GRIA4: variants seen among roughly 807,000 people sequenced by gnomAD.
GRIA4 encodes glutamate receptor 4.
In GRIA4, 34 loss-of-function variants were observed where a neutral mutation model predicts 104.0. That is an observed-to-expected ratio of 0.33 (90% CI 0.25 to 0.44). The LOEUF is 0.44. Among genes scored for constraint, GRIA4 ranks in the 20% least tolerant of loss-of-function variants. The pLI is 1.00. For missense variants in GRIA4, 750 were observed against 1,096.5 expected, an observed-to-expected ratio of 0.68 and a Z score of 4.46; for synonymous variants, 386 against 381.9, an observed-to-expected ratio of 1.01 and a Z score of -0.13.
intron 4 of GRIA4, among the ~76,000 whole-genome samples, chr11:105,791,266 A>G (rs1343641008): frequency 6.6e-6 from 1 of 152,148 alleles, no homozygotes; most frequent in Non-Finnish European, 1.5e-5. Context: ...CAAAGTAAAG[A>G]TATTGTCTGT....
chr11:105,888,228 T>C (rs992168125), intron 6 of GRIA4, among the ~76,000 whole-genome samples: 2 of 147,834 alleles, frequency 1.4e-5, no homozygotes, highest in African/African-American at 4.9e-5. Context: ...AAGGGCCTGA[T>C]TCCCAAAGTG....
intron 4 of GRIA4, among the ~76,000 whole-genome samples, chr11:105,762,336 A>G (rs1288247717): frequency 6.6e-6 from 1 of 152,158 alleles, no homozygotes; most frequent in African/African-American, 2.4e-5. Flanking sequence ...AGAAGTCTTA[A>G]TAGTTAAACT....
intron 5 of GRIA4, among the ~76,000 whole-genome samples, chr11:105,864,626 T>A (rs1246540943): frequency 6.6e-6 from 1 of 152,078 alleles, no homozygotes; most frequent in Non-Finnish European, 1.5e-5. Context: ...ATCCCAGCAC[T>A]TTGGGAGGCC....
intron 3 of GRIA4, among the ~76,000 whole-genome samples, chr11:105,740,478 T>G (rs1423478087): frequency 1.3e-5 from 2 of 152,236 alleles, no homozygotes; most frequent in Non-Finnish European, 2.9e-5. Flanking sequence ...TTGAACACTT[T>G]CCATGTGCCA....
intron 3 of GRIA4, among the ~76,000 whole-genome samples, chr11:105,637,436 G>A (rs552386185): frequency 6.7e-6 from 1 of 149,940 alleles, no homozygotes; most frequent in Non-Finnish European, 1.5e-5. Context: ...AATTATCTCA[G>A]GAAATAGGTT....
chr11:105,812,961 C>A (rs1340875697), intron 4 of GRIA4, among the ~76,000 whole-genome samples: 5 of 151,768 alleles, frequency 3.3e-5, no homozygotes, highest in Non-Finnish European at 7.4e-5. Context: ...ATTAGCTGGG[C>A]ATAATGGTGG....
chr11:105,718,462 C>T (rs1475053465), intron 3 of GRIA4, among the ~76,000 whole-genome samples: 2 of 152,130 alleles, frequency 1.3e-5, no homozygotes, highest in East Asian at 3.9e-4. Flanking sequence ...AAGCAAATGT[C>T]AACAAATTTG....
intron 4 of GRIA4, among the ~76,000 whole-genome samples, chr11:105,784,248 T>C (rs1450252532): frequency 6.6e-6 from 1 of 152,200 alleles, no homozygotes; most frequent in Non-Finnish European, 1.5e-5. Context: ...TGCAGAAATA[T>C]GTATTCCTAT....
At position 105,892,680 on chromosome 11, in the gene GRIA4, T is replaced by G. The variant is rs2075960586; in HGVS notation, c.726+5108T>G. ...TTCCATCAACTTGGCGACATTGTTT[T>G]ACTTTTGTGCTTCCCGTTTTTTAAC... On this transcript the variant is annotated intron_variant, in intron 6 of 16. Transcript: ENST00000282499. 4.6e-5 allele frequency among the ~76,000 whole-genome samples: 7 copies of G among 152,182 alleles called. 1 individual carries two copies. The highest frequency in any genetic ancestry group is 4.6e-4 in the Admixed American group (7 of 15,278).
At chr11:105,871,971 T>C (rs1179320253) in intron 5 of GRIA4, among the ~76,000 whole-genome samples, 2 of 152,000 alleles carry the variant, frequency 1.3e-5, no homozygotes, top group African/African-American at 4.8e-5. Flanking sequence ...TAAAGCAACA[T>C]AAAGTCAGAA....
At chr11:105,720,377 G>A (rs138543539) in intron 3 of GRIA4, among the ~76,000 whole-genome samples, 19 of 151,982 alleles carry the variant, frequency 1.3e-4, no homozygotes, top group African/African-American at 4.3e-4. Flanking sequence ...ATGTATACAA[G>A]GAGACTTAAA....
chr11:105,969,441 T>C (rs530977347), intron 14 of GRIA4, among the ~76,000 whole-genome samples: 3 of 152,288 alleles, frequency 2.0e-5, no homozygotes, highest in South Asian at 4.1e-4. Flanking sequence ...AGTGTTAATC[T>C]AATCCTCTAA....
chr11:105,966,709 T>C (rs1858387325), intron 14 of GRIA4, among the ~76,000 whole-genome samples: 1 of 151,952 alleles, frequency 6.6e-6, no homozygotes, highest in Non-Finnish European at 1.5e-5. Flanking sequence ...TAGTTTTTTT[T>C]ATTTCTAAGC....
At chr11:105,742,073 T>C (rs1175769930) in intron 3 of GRIA4, among the ~76,000 whole-genome samples, 1 of 152,182 alleles carries the variant, frequency 6.6e-6, no homozygotes, top group Non-Finnish European at 1.5e-5. Context: ...GCGTTTATCA[T>C]GTGGCAGTTA....
chr11:105,770,331 A>G (rs1447274754), intron 4 of GRIA4, among the ~76,000 whole-genome samples: 3 of 152,094 alleles, frequency 2.0e-5, no homozygotes, highest in Non-Finnish European at 4.4e-5. Context: ...CGTGTTTAAT[A>G]TAAGAAATGT....
rs766866033 is a variant in GRIA4, at chr11:105,610,978, C to T, written c.-20C>T. 3.2e-6 allele frequency: 5 copies of T among 1,545,012 alleles called. No homozygotes were observed. The highest frequency in any genetic ancestry group is 2.2e-5 in the East Asian group (1 of 44,450). On this transcript the variant is annotated 5_prime_UTR_variant, in exon 2 of 17. Coordinates refer to ENST00000282499, the MANE Select transcript of GRIA4 (RefSeq NM_000829.4). ...CGAGAGAAAGAGAGAGAGCGCGCGC[C>T]AGGGAGAGGAGAAAAGAAGATGAGG...
chr11:105,753,811 C>G (rs993261015), intron 4 of GRIA4, among the ~76,000 whole-genome samples: 2 of 152,062 alleles, frequency 1.3e-5, no homozygotes, highest in Admixed American at 1.3e-4. Flanking sequence ...TTTCCTCCTT[C>G]ATATAAAGGA....
intron 4 of GRIA4, among the ~76,000 whole-genome samples, chr11:105,769,925 C>T (rs1381621242): frequency 1.3e-5 from 2 of 152,022 alleles, no homozygotes; most frequent in African/African-American, 2.4e-5. Flanking sequence ...CCTAATTTAA[C>T]TTAAAAGTAA....
chr11:105,838,582 T>A (rs55969381), intron 4 of GRIA4, among the ~76,000 whole-genome samples: 11,982 of 152,334 alleles, frequency 0.079, 671 homozygotes, highest in Admixed American at 0.18. Context: ...GACTTTTATT[T>A]ATTTTTTAAG....
Sources: allele counts gnomAD v4.1 joint callset (sites outside exome capture counted in the v4.1 genomes callset), GRCh38; gene constraint gnomAD v4.1.1; transcripts MANE v1.5; gene names NCBI Gene and HGNC (gene_info 2026-07-23, HGNC 2026-07-21).